Variants in FAM169A observed in about 807,000 individuals in gnomAD.
The protein encoded by FAM169A is family with sequence similarity 169 member A.
In FAM169A, 24 loss-of-function variants were observed where a neutral mutation model predicts 75.7. The ratio of observed to expected loss-of-function variants is 0.32; its 90% CI spans 0.23 to 0.45. FAM169A has a LOEUF of 0.45. Among genes scored for constraint, FAM169A ranks in the 20% least tolerant of loss-of-function variants. FAM169A has a pLI of 1.00. For missense variants in FAM169A, 673 were observed against 784.0 expected (o/e 0.86, Z 1.69); for synonymous variants, 271 against 271.0 (o/e 1.00, Z 0.00).
chr5:74,809,091 T>C (rs908077807), intron 6 of FAM169A, among the ~76,000 whole-genome samples: 8 of 151,318 alleles, frequency 5.3e-5, no homozygotes, highest in African/African-American at 1.7e-4. Flanking sequence ...TGAGATAAAA[T>C]AGAACACTGA....
intron 1 of FAM169A, among the ~76,000 whole-genome samples, chr5:74,843,177 C>A (rs560636954): frequency 1.2e-4 from 19 of 152,078 alleles, no homozygotes; most frequent in Non-Finnish European, 8.8e-5. Context: ...AGAAACAGTA[C>A]AAAATCTATA....
At chr5:74,841,447 ATGAT>A in intron 2 of FAM169A, 94 bp downstream of exon 2, 1 of 930,706 alleles carries the variant, frequency 1.1e-6, no homozygotes, top group Non-Finnish European at 1.5e-6. Context: ...TCAAAAATTA[ATGAT>A]TAACACTTAA....
chr5:74,781,574 C>T lies in FAM169A; in HGVS notation c.1899G>A (p.Val633=), dbSNP rs377242596. 30 of 1,613,984 alleles carry T rather than the reference C, an allele frequency of 1.9e-5. No homozygotes were observed. Among genetic ancestry groups the T allele is most frequent in the Admixed American group, 3.3e-5 (2 of 59,990 alleles). The change falls in exon 13 of 13, where the codon GTG becomes GTA. Residue 633 remains valine (V), a synonymous_variant. Transcript: ENST00000687041. The part of the protein sequence containing the change: ...DQFTQSAEKA[V]DSSSEEIEVE... Reference sequence around the variant, plus strand: ...CTTCTATTTCCTCTGAGCTGCTATCCACAGCTTTTTCTGCCGATTGTGTAA... The same window carrying T: ...CTTCTATTTCCTCTGAGCTGCTATCTACAGCTTTTTCTGCCGATTGTGTAA...
intron 10 of FAM169A, among the ~76,000 whole-genome samples, chr5:74,800,445 C>T (rs867619398): frequency 2.0e-5 from 3 of 152,000 alleles, no homozygotes; most frequent in South Asian, 4.1e-4. Context: ...TTACTTAAAA[C>T]CATACCATCA....
At chr5:74,818,107 C>T (rs1747563316) in intron 5 of FAM169A, among the ~76,000 whole-genome samples, 1 of 152,080 alleles carries the variant, frequency 6.6e-6, no homozygotes, top group Non-Finnish European at 1.5e-5. Context: ...GCAGAGCCTT[C>T]TTAGATATAA....
intron 11 of FAM169A, among the ~76,000 whole-genome samples, chr5:74,792,515 T>C (rs1011904630): frequency 3.1e-5 from 4 of 129,602 alleles, no homozygotes; most frequent in African/African-American, 7.6e-5. Flanking sequence ...TCGGACTGGC[T>C]TCCTTGCTTC....
intron 1 of FAM169A, among the ~76,000 whole-genome samples, chr5:74,844,885 G>A (rs1749071300): frequency 2.6e-5 from 4 of 152,156 alleles, no homozygotes; most frequent in Non-Finnish European, 5.9e-5. Context: ...CTTAAAGGAA[G>A]TATAAAGTTA....
rs147230934 is a variant in FAM169A at position 74,856,371 on chromosome 5, G to C, written c.-4+9794C>G. 2.6e-3 allele frequency among the ~76,000 whole-genome samples: 388 copies of C among 152,106 alleles called. 4 individuals are homozygous for C. Among genetic ancestry groups the C allele is most frequent in the South Asian group, 0.025 (120 of 4,826 alleles). ...TGCATTGAATCTGTAGATTGCTTTA[G>C]GTAATATGAACATGTTGACAATATT... On this transcript the variant is annotated intron_variant, in intron 1 of 12. Transcript: ENST00000687041.
chr5:74,804,701 C>A, intron 7 of FAM169A, 96 bp from the exon 8 acceptor site: 1 of 644,714 alleles, frequency 1.6e-6, no homozygotes, highest in African/African-American at 1.8e-5. Context: ...GAAGAGCAGC[C>A]TGGACAGAAG....
chr5:74,845,130 T>C (rs78965000), intron 1 of FAM169A, among the ~76,000 whole-genome samples: 2,077 of 152,298 alleles, frequency 0.014, 129 homozygotes, highest in Admixed American at 0.1. Flanking sequence ...TAACAGTTAA[T>C]AACTGAGTAT....
At chr5:74,806,385 T>C (rs1746884404) in intron 6 of FAM169A, among the ~76,000 whole-genome samples, 1 of 152,200 alleles carries the variant, frequency 6.6e-6, no homozygotes, top group Admixed American at 6.5e-5. Context: ...TGACCTCACA[T>C]CAACATAAAT....
intron 5 of FAM169A, among the ~76,000 whole-genome samples, chr5:74,814,573 A>C (rs1747374377): frequency 6.6e-6 from 1 of 152,168 alleles, no homozygotes; most frequent in Non-Finnish European, 1.5e-5. Flanking sequence ...AGGACTATAA[A>C]TTGGGGCGAA....
intron 3 of FAM169A, among the ~76,000 whole-genome samples, chr5:74,839,785 A>T (rs1208990110): frequency 3.9e-5 from 6 of 152,026 alleles, no homozygotes; most frequent in African/African-American, 1.4e-4. Context: ...CGACCTCCCA[A>T]AGTGCTAGGA....
chr5:74,849,390 C>T (rs530445306), intron 1 of FAM169A, among the ~76,000 whole-genome samples: 1 of 152,044 alleles, frequency 6.6e-6, no homozygotes, highest in East Asian at 1.9e-4. Flanking sequence ...ATGTTCAGCT[C>T]GTAAGTTATT....
chr5:74,823,853 A>G (rs1210265751), intron 5 of FAM169A, among the ~76,000 whole-genome samples: 1 of 152,204 alleles, frequency 6.6e-6, no homozygotes, highest in East Asian at 1.9e-4. Flanking sequence ...CAAAAAATTC[A>G]GCTGGGTTTC....
chr5:74,860,646 T>C lies in FAM169A; in HGVS notation c.-4+5519A>G, dbSNP rs951235568. On this transcript the variant is annotated intron_variant, in intron 1 of 12. Coordinates refer to ENST00000687041, the MANE Select transcript of FAM169A (RefSeq NM_001376049.1). ...ATTTGGGAGCTACCAGTGTATATAT[T>C]TGGTAAATGGAGCCACTAGACAGGA... is the stretch of plus-strand genomic sequence containing the variant. 1.1e-4 allele frequency among the ~76,000 whole-genome samples: 16 copies of C among 152,058 alleles called. No individual in the cohort carries two copies. The South Asian group carries it at 2.1e-3, about 20-fold the overall frequency.
intron 4 of FAM169A, among the ~76,000 whole-genome samples, chr5:74,835,927 A>T (rs1213621389): frequency 6.6e-6 from 1 of 152,180 alleles, no homozygotes; most frequent in Non-Finnish European, 1.5e-5. Context: ...TAAATATTTG[A>T]AGATAGAGCC....
chr5:74,821,088 T>C (rs1044947687), intron 5 of FAM169A, among the ~76,000 whole-genome samples: 2 of 152,178 alleles, frequency 1.3e-5, no homozygotes, highest in Non-Finnish European at 2.9e-5. Context: ...ATTCTTTTAA[T>C]TTACTTTGGT....
intron 5 of FAM169A, among the ~76,000 whole-genome samples, chr5:74,815,076 C>T (rs2112580404): frequency 6.6e-6 from 1 of 152,270 alleles, no homozygotes; most frequent in South Asian, 2.1e-4. Flanking sequence ...CTATTTATGA[C>T]TGAATTGGAT....
Sources: allele counts gnomAD v4.1 joint callset (sites outside exome capture counted in the v4.1 genomes callset), GRCh38; gene constraint gnomAD v4.1.1; transcripts MANE v1.5; gene names NCBI Gene and HGNC (gene_info 2026-07-23, HGNC 2026-07-21).